ZNF365: variants seen among roughly 807,000 people sequenced by gnomAD.
The protein encoded by ZNF365 is protein ZNF365.
In ZNF365, 22 loss-of-function variants were observed where a neutral mutation model predicts 35.0. That is an observed-to-expected ratio of 0.63 (90% confidence interval 0.45 to 0.90). The LOEUF (loss-of-function observed/expected upper bound fraction) is 0.90, where lower values mean the gene tolerates loss of function less well. Among genes scored for constraint, ZNF365 ranks in the 40% least tolerant of loss-of-function variants. The pLI is 0.00. For synonymous variants in ZNF365, 188 were observed against 196.2 expected (o/e 0.96, Z 0.35); for missense variants, 448 against 500.3 (o/e 0.90, Z 1.00).
chr10:62,460,449 T>A lies in ZNF365; in HGVS notation c.981+652T>A, dbSNP rs149656442. Among the ~76,000 whole-genome samples, 795 of 152,286 alleles carry A rather than the reference T, an allele frequency of 5.2e-3. 7 individuals carry two copies. The highest frequency in any genetic ancestry group is 0.018 in the African/African-American group (759 of 41,560). ...AGAGATGAACAACAATGGCTAATAA[T>A]AAAATAGAACAATTACAACAATATA... is the stretch of plus-strand genomic sequence containing the variant. On this transcript the variant is annotated intron_variant, in intron 4 of 4. Transcript: ENST00000395255.
chr10:62,378,193 G>A (rs186134575), intron 2 of ZNF365, among the ~76,000 whole-genome samples: 35 of 152,252 alleles, frequency 2.3e-4, no homozygotes, highest in African/African-American at 8.2e-4. Flanking sequence ...TTAGTGTCTA[G>A]ACCCGTTAAT....
chr10:62,406,292 G>T (rs1028690255), downstream of ZNF365, among the ~76,000 whole-genome samples: 1 of 152,052 alleles, frequency 6.6e-6, no homozygotes, highest in Non-Finnish European at 1.5e-5. Flanking sequence ...TTTCTGTTCA[G>T]CCTTCAGATT....
chr10:62,382,945 G>A (rs769549364), intron 2 of ZNF365, among the ~76,000 whole-genome samples: 14 of 152,186 alleles, frequency 9.2e-5, no homozygotes, highest in Non-Finnish European at 1.8e-4. Context: ...GTAGAGCTTC[G>A]CCTTTGGGAG....
At chr10:62,387,198 C>G (rs1461710303) in intron 2 of ZNF365, among the ~76,000 whole-genome samples, 1 of 152,090 alleles carries the variant, frequency 6.6e-6, no homozygotes, top group African/African-American at 2.4e-5. Context: ...TACACCTATT[C>G]ATAGTGGTGA....
intron 3 of ZNF365, among the ~76,000 whole-genome samples, chr10:62,421,245 G>A (rs1401441964): frequency 6.6e-6 from 1 of 152,186 alleles, no homozygotes; most frequent in African/African-American, 2.4e-5. Flanking sequence ...GAATGTAGGA[G>A]AGTCTAGTCA....
chr10:62,379,260 A>T (rs1390848510), intron 2 of ZNF365, among the ~76,000 whole-genome samples: 1 of 152,078 alleles, frequency 6.6e-6, no homozygotes, highest in African/African-American at 2.4e-5. Flanking sequence ...CTGACCTCAG[A>T]TGATCTACTG....
chr10:62,405,838 C>G (rs774011530), downstream of ZNF365, among the ~76,000 whole-genome samples: 2 of 152,218 alleles, frequency 1.3e-5, no homozygotes, highest in Non-Finnish European at 2.9e-5. Context: ...GGTTTTATAT[C>G]TCAACCTCTC....
At chr10:62,388,809 C>A (rs1839572399) in intron 3 of ZNF365, among the ~76,000 whole-genome samples, 1 of 152,124 alleles carries the variant, frequency 6.6e-6, no homozygotes, top group African/African-American at 2.4e-5. Context: ...TCCCACTCCA[C>A]ATCATGCTGA....
intron 3 of ZNF365, among the ~76,000 whole-genome samples, chr10:62,420,304 CT>C (rs1160524076): frequency 6.6e-6 from 1 of 152,114 alleles, no homozygotes; most frequent in Non-Finnish European, 1.5e-5. Context: ...TTAGAACATG[CT>C]TGTAAAAACA....
At chr10:62,412,383 A>G (rs1420367661) in intron 3 of ZNF365, among the ~76,000 whole-genome samples, 1 of 152,162 alleles carries the variant, frequency 6.6e-6, no homozygotes, top group Non-Finnish European at 1.5e-5. Context: ...GCACAAGGCA[A>G]GTCTGTTGTT....
chr10:62,471,322 T>G (rs1242913746), intron 4 of ZNF365, among the ~76,000 whole-genome samples: 1 of 146,688 alleles, frequency 6.8e-6, no homozygotes, highest in Non-Finnish European at 1.5e-5. Context: ...GCCGAGATTG[T>G]GCCACTGCAT....
chr10:62,424,679 C>T (rs1840224392), intron 3 of ZNF365, among the ~76,000 whole-genome samples: 1 of 152,152 alleles, frequency 6.6e-6, no homozygotes, highest in Non-Finnish European at 1.5e-5. Context: ...TCTGATATAA[C>T]CAAAGTCTGG....
intron 4 of ZNF365, among the ~76,000 whole-genome samples, chr10:62,474,167 T>G (rs1841090162): frequency 6.6e-6 from 1 of 152,242 alleles, no homozygotes; most frequent in Non-Finnish European, 1.5e-5. Context: ...ATGTCCATGC[T>G]TAACCAATTA....
At chr10:62,457,093 T>G (rs1011338264) in intron 3 of ZNF365, among the ~76,000 whole-genome samples, 1 of 152,156 alleles carries the variant, frequency 6.6e-6, no homozygotes, top group Non-Finnish European at 1.5e-5. Context: ...CATATGTCTC[T>G]TATCTTCTTT....
Position 62,399,809 on chromosome 10 carries a change from C to A in ZNF365, c.*20C>A. ...ATCTAAAAGGGTGGGTGGTGCTGGACCAATCATCGCTGGGCTTTGGGGAAC... is the reference window on the plus strand; with the variant it reads ...ATCTAAAAGGGTGGGTGGTGCTGGAACAATCATCGCTGGGCTTTGGGGAAC... On this transcript the variant is annotated 3_prime_UTR_variant, in exon 5 of 5. Coordinates refer to ENST00000395254, the MANE Select transcript of ZNF365 (RefSeq NM_014951.3). 6.3e-7 allele frequency: 1 copy of A among 1,598,450 alleles called. No homozygotes were observed.
At chr10:62,473,217 T>G in intron 4 of ZNF365, among the ~76,000 whole-genome samples, 1 of 152,340 alleles carries the variant, frequency 6.6e-6, no homozygotes, top group Middle Eastern at 3.4e-3. Context: ...CCAAACACTC[T>G]TGTTATTTAG....
At chr10:62,419,736 T>C (rs1840136788) in intron 3 of ZNF365, among the ~76,000 whole-genome samples, 1 of 152,190 alleles carries the variant, frequency 6.6e-6, no homozygotes, top group Non-Finnish European at 1.5e-5. Context: ...GTGTTATTTA[T>C]TGTTGTTTTT....
At chr10:62,469,787 T>C (rs1022781869) in intron 4 of ZNF365, among the ~76,000 whole-genome samples, 13 of 152,190 alleles carry the variant, frequency 8.5e-5, no homozygotes, top group African/African-American at 3.1e-4. Flanking sequence ...TGTGTGATAC[T>C]ATTGTCACCC....
At chr10:62,471,162 C>A (rs759450586) in intron 4 of ZNF365, among the ~76,000 whole-genome samples, 32 of 151,934 alleles carry the variant, frequency 2.1e-4, no homozygotes, top group Non-Finnish European at 4.0e-4. Flanking sequence ...GTCAGGAGAT[C>A]GAGATCATCC....
Sources: allele counts gnomAD v4.1 joint callset (sites outside exome capture counted in the v4.1 genomes callset), GRCh38; gene constraint gnomAD v4.1.1; transcripts MANE v1.5; gene names NCBI Gene and HGNC (gene_info 2026-07-23, HGNC 2026-07-21).